ANTXR1: variants seen among roughly 807,000 people sequenced by gnomAD.
The protein encoded by ANTXR1 is ANTXR cell adhesion molecule 1, also known as anthrax toxin receptor 1.
ANTXR1 carries 19 observed loss-of-function variants against 78.1 expected under a neutral mutation model. The ratio of observed to expected loss-of-function variants is 0.24; its 90% CI spans 0.17 to 0.36. ANTXR1 has a LOEUF of 0.36. ANTXR1 is among the 10% of genes least tolerant of loss of function. The probability of loss-of-function intolerance (pLI) is 1.00; values close to 1 mark genes in which losing one functional copy is unlikely to be tolerated. For synonymous variants in ANTXR1, 273 were observed against 260.5 expected (o/e 1.05, Z -0.46); for missense variants, 518 against 718.6 (o/e 0.72, Z 3.19).
intron 16 of ANTXR1, among the ~76,000 whole-genome samples, chr2:69,189,637 G>C (rs889881454): frequency 1.8e-4 from 27 of 152,360 alleles, no homozygotes; most frequent in African/African-American, 6.3e-4. Context: ...CTGTGGAGGT[G>C]GTGGGTCAGG....
intron 2 of ANTXR1, among the ~76,000 whole-genome samples, chr2:69,044,463 T>C (rs1669700041): frequency 6.6e-6 from 1 of 152,300 alleles, no homozygotes; most frequent in South Asian, 2.1e-4. Context: ...AGGGCAACAA[T>C]GAAGTTTATC....
At chr2:69,033,023 A>G (rs1671573973) in intron 1 of ANTXR1, among the ~76,000 whole-genome samples, 1 of 152,166 alleles carries the variant, frequency 6.6e-6, no homozygotes, top group Non-Finnish European at 1.5e-5. Context: ...GCTTTCCCAA[A>G]TCACTAATAA....
intron 10 of ANTXR1, among the ~76,000 whole-genome samples, chr2:69,104,055 C>T: frequency 6.6e-6 from 1 of 151,952 alleles, no homozygotes; most frequent in Non-Finnish European, 1.5e-5. Context: ...TCTCCTGCCT[C>T]AGCCTCCTGA....
intron 16 of ANTXR1, among the ~76,000 whole-genome samples, chr2:69,183,784 A>G (rs1020863240): frequency 6.6e-6 from 1 of 151,840 alleles, no homozygotes; most frequent in Non-Finnish European, 1.5e-5. Flanking sequence ...AACACCTTCA[A>G]TCTTTAGCCA....
intron 17 of ANTXR1, among the ~76,000 whole-genome samples, chr2:69,222,422 A>G (rs1675341622): frequency 1.3e-5 from 2 of 152,220 alleles, no homozygotes; most frequent in South Asian, 2.1e-4. Context: ...CTTCCCAGAT[A>G]TTAATTCCAG....
intron 10 of ANTXR1, 76 bp downstream of exon 10, chr2:69,103,016 C>T: frequency 7.3e-7 from 1 of 1,360,794 alleles, no homozygotes. Context: ...TGTCTTCCAG[C>T]AAGGCCACAC....
In ANTXR1 at chr2:69,137,687, G is replaced by A. The variant is rs1012685541; in HGVS notation, c.951+13044G>A. ...GCATGTAGTCTCAGCTACTCAGGAG[G>A]CTGTGGTGGGAGGATCACTTGAATC... On this transcript the variant is annotated intron_variant, in intron 12 of 17. Coordinates refer to ENST00000303714, the MANE Select transcript of ANTXR1 (RefSeq NM_032208.3). 9.2e-5 allele frequency among the ~76,000 whole-genome samples: 14 copies of A among 151,630 alleles called. 1 individual carries two copies. The highest frequency in any genetic ancestry group is 6.8e-3 in the Middle Eastern group (2 of 294).
At chr2:69,088,055 T>G (rs924573195) in intron 8 of ANTXR1, among the ~76,000 whole-genome samples, 1 of 152,354 alleles carries the variant, frequency 6.6e-6, no homozygotes, top group South Asian at 2.1e-4. Flanking sequence ...AGCTGTGTTT[T>G]TACTGGATTG....
intron 12 of ANTXR1, among the ~76,000 whole-genome samples, chr2:69,126,355 C>T (rs906181708): frequency 1.3e-5 from 2 of 152,164 alleles, no homozygotes; most frequent in Non-Finnish European, 2.9e-5. Flanking sequence ...ATGTCTCAGA[C>T]ATCTGGTCAA....
At chr2:69,076,140 A>G (rs938763353) in intron 7 of ANTXR1, among the ~76,000 whole-genome samples, 9 of 151,172 alleles carry the variant, frequency 6.0e-5, no homozygotes, top group Non-Finnish European at 1.3e-4. Context: ...ACACTTGGCT[A>G]CTTTTTTTTA....
At chr2:69,211,423 C>G (rs188165662) in intron 17 of ANTXR1, among the ~76,000 whole-genome samples, 148 of 152,336 alleles carry the variant, frequency 9.7e-4, no homozygotes, top group African/African-American at 3.3e-3. Context: ...GCATCTCTCT[C>G]TGACATAAGG....
intron 17 of ANTXR1, among the ~76,000 whole-genome samples, chr2:69,244,310 G>A (rs1205723160): frequency 6.6e-6 from 1 of 152,206 alleles, no homozygotes; most frequent in African/African-American, 2.4e-5. Flanking sequence ...CAGGGCAGAT[G>A]CCTGCTTGGC....
In ANTXR1 at chr2:69,119,973, G is replaced by A. The variant is rs573520449; in HGVS notation, c.803-3044G>A. Among the ~76,000 whole-genome samples, 11 of 152,338 alleles carry A rather than the reference G, an allele frequency of 7.2e-5. No individual in the cohort carries two copies. The South Asian group carries it at 2.3e-3, about 32-fold the overall frequency. ...GCAACATGCGCTGGCAAGTCTGGCT[G>A]TCATTGTAGATGCTCCTTGACTTAA... On this transcript the variant is annotated intron_variant, in intron 10 of 17. Transcript: ENST00000303714.
intron 10 of ANTXR1, among the ~76,000 whole-genome samples, chr2:69,114,949 A>G (rs1672094421): frequency 6.6e-6 from 1 of 152,236 alleles, no homozygotes; most frequent in African/African-American, 2.4e-5. Context: ...TTATATCTGT[A>G]GGCCCCTCTA....
intron 17 of ANTXR1, among the ~76,000 whole-genome samples, chr2:69,221,555 A>G (rs1369779036): frequency 6.6e-6 from 1 of 152,140 alleles, no homozygotes; most frequent in Non-Finnish European, 1.5e-5. Context: ...AACAAAGCAG[A>G]AGGTGGCTGG....
chr2:69,034,358 G>T (rs1402067385), intron 1 of ANTXR1, among the ~76,000 whole-genome samples: 2 of 152,160 alleles, frequency 1.3e-5, no homozygotes, highest in South Asian at 2.1e-4. Flanking sequence ...AGTATTGAAA[G>T]AATCTTCAAG....
At chr2:69,050,236 C>T (rs560558298) in intron 3 of ANTXR1, among the ~76,000 whole-genome samples, 1 of 152,132 alleles carries the variant, frequency 6.6e-6, no homozygotes, top group Non-Finnish European at 1.5e-5. Context: ...GAGGTAAAGG[C>T]TGCAGTGAGC....
At chr2:69,131,253 C>G (rs887965638) in intron 12 of ANTXR1, among the ~76,000 whole-genome samples, 7 of 152,278 alleles carry the variant, frequency 4.6e-5, no homozygotes, top group African/African-American at 1.4e-4. Context: ...GGGACCTTCT[C>G]ACTTATATGT....
chr2:69,068,512 G>A (rs1293922398), intron 3 of ANTXR1, among the ~76,000 whole-genome samples: 1 of 152,164 alleles, frequency 6.6e-6, no homozygotes, highest in Non-Finnish European at 1.5e-5. Flanking sequence ...TTGCCGATGT[G>A]AAGTGCCTAT....
Sources: allele counts gnomAD v4.1 joint callset (sites outside exome capture counted in the v4.1 genomes callset), GRCh38; gene constraint gnomAD v4.1.1; transcripts MANE v1.5; gene names NCBI Gene and HGNC (gene_info 2026-07-23, HGNC 2026-07-21).